The following TSPAN16 variants were observed in gnomAD, a reference collection of about 807,000 sequenced individuals.
TSPAN16 encodes the protein tetraspanin-16.
A neutral mutation model predicts 25.2 loss-of-function variants in TSPAN16; 23 were observed. That is an observed-to-expected ratio of 0.91 (90% CI 0.66 to 1.29). The LOEUF (loss-of-function observed/expected upper bound fraction) is 1.29. TSPAN16 is among the 50% of genes most tolerant of loss of function. TSPAN16 has a pLI of 0.00. For missense variants in TSPAN16, 272 were observed against 299.9 expected (o/e 0.91, Z 0.69); for synonymous variants, 123 against 124.4 (o/e 0.99, Z 0.08).
intron 6 of TSPAN16, among the ~76,000 whole-genome samples, chr19:11,321,522 T>C (rs1384400333): frequency 6.6e-6 from 1 of 152,180 alleles, no homozygotes. Flanking sequence ...CCATATCAAC[T>C]GTGACTACCT....
chr19:11,311,080 G>A (rs112837528), intron 5 of TSPAN16, among the ~76,000 whole-genome samples: 15 of 143,748 alleles, frequency 1.0e-4, no homozygotes, highest in African/African-American at 3.4e-4. Context: ...CAGGGAATCT[G>A]CCAGCCTCGG....
chr19:11,318,954 A>C (rs1369616497), downstream of TSPAN16, among the ~76,000 whole-genome samples: 1 of 152,102 alleles, frequency 6.6e-6, no homozygotes, highest in Non-Finnish European at 1.5e-5. Flanking sequence ...GCCAGAAATA[A>C]ACTTTTTTAC....
chr19:11,317,605 C>T (rs2080755820), downstream of TSPAN16, among the ~76,000 whole-genome samples: 1 of 152,018 alleles, frequency 6.6e-6, no homozygotes, highest in Admixed American at 6.6e-5. Flanking sequence ...AGTGACTCTC[C>T]TGCCTCAGCC....
rs559859071 is a variant in TSPAN16, at chr19:11,297,583, A to G, written c.70-559A>G. ...ATGATCTCAGCTCACTGCAACCTCCACCTCCCAGGTTTAAGCGATTCTTCT... is the reference window on the plus strand; with the variant it reads ...ATGATCTCAGCTCACTGCAACCTCCGCCTCCCAGGTTTAAGCGATTCTTCT... On this transcript the variant is annotated intron_variant, in intron 1 of 6. Coordinates refer to ENST00000590327, the MANE Select transcript of TSPAN16 (RefSeq NM_001282509.2). Among the ~76,000 whole-genome samples the G allele has an allele frequency of 1.3e-4, 20 of 151,840 alleles. 1 individual carries two copies. The highest frequency in any genetic ancestry group is 1.3e-3 in the Admixed American group (20 of 15,208).
intron 4 of TSPAN16, 141 bp from the exon 5 acceptor site, chr19:11,306,463 T>C: frequency 9.8e-7 from 1 of 1,023,738 alleles, no homozygotes. Context: ...TTCTGGGCTG[T>C]GATGGGATGT....
intron 4 of TSPAN16, among the ~76,000 whole-genome samples, chr19:11,301,522 C>T (rs943119633): frequency 6.6e-6 from 1 of 151,768 alleles, no homozygotes; most frequent in Non-Finnish European, 1.5e-5. Flanking sequence ...CATCTGTAGT[C>T]TCAGCTACTC....
chr19:11,324,117 C>A (rs2147964265), intron 6 of TSPAN16: 1 of 152,406 alleles, frequency 6.6e-6, no homozygotes, highest in Middle Eastern at 3.4e-3. Context: ...GCAGTGACAG[C>A]AAGTTACTCA....
Position 11,298,869 on chromosome 19 carries a change from T to C in TSPAN16, c.268-3T>C, listed in dbSNP as rs1015695660. 10 of 1,614,048 alleles carry C rather than the reference T, an allele frequency of 6.2e-6. No homozygotes were observed. Among genetic ancestry groups the C allele is most frequent in the Non-Finnish European group, 8.5e-6 (10 of 1,179,936 alleles). On this transcript the variant is annotated splice_region_variant and splice_polypyrimidine_tract_variant and intron_variant, in intron 2 of 6. Transcript: ENST00000590327. ...AGGCCCTCTCTCCCCGTGTGTCTTTTAGTGCATCCTGTCAATGGTTATTGT... is the reference window on the plus strand; with the variant it reads ...AGGCCCTCTCTCCCCGTGTGTCTTTCAGTGCATCCTGTCAATGGTTATTGT...
chr19:11,307,205 C>A (rs140402219), intron 5 of TSPAN16, among the ~76,000 whole-genome samples: 226 of 150,992 alleles, frequency 1.5e-3, no homozygotes, highest in African/African-American at 5.3e-3. Flanking sequence ...CTGCAACCTC[C>A]GCCTCCTGGG....
At chr19:11,298,004 C>G (rs2080498006) in intron 1 of TSPAN16, 138 bp from the exon 2 acceptor site, 4 of 817,990 alleles carry the variant, frequency 4.9e-6, no homozygotes, top group Non-Finnish European at 7.9e-6. Flanking sequence ...CCAAGCTGGT[C>G]TTGAACTCCT....
chr19:11,313,595 A>G (rs1225405285), intron 6 of TSPAN16, among the ~76,000 whole-genome samples: 1 of 152,110 alleles, frequency 6.6e-6, no homozygotes, highest in Non-Finnish European at 1.5e-5. Flanking sequence ...AAAGGATTCA[A>G]ATAGAGATTT....
At chr19:11,298,547 G>C (rs1015542879) in intron 2 of TSPAN16, among the ~76,000 whole-genome samples, 2 of 151,828 alleles carry the variant, frequency 1.3e-5, no homozygotes, top group Non-Finnish European at 2.9e-5. Context: ...CGATTCTCCT[G>C]CCTCAGCCTC....
intron 6 of TSPAN16, among the ~76,000 whole-genome samples, chr19:11,313,442 G>A (rs996839574): frequency 5.3e-5 from 8 of 151,452 alleles, no homozygotes; most frequent in African/African-American, 1.5e-4. Context: ...CAGGAGAATC[G>A]CTTGAATCTG....
intron 5 of TSPAN16, among the ~76,000 whole-genome samples, chr19:11,307,428 AT>A (rs2080641790): frequency 7.2e-6 from 1 of 139,256 alleles, no homozygotes; most frequent in African/African-American, 2.7e-5. Context: ...CCTTATTTTT[AT>A]TTTTTTAGAG....
downstream of TSPAN16, among the ~76,000 whole-genome samples, chr19:11,319,514 G>A (rs1016490320): frequency 2.0e-5 from 3 of 152,204 alleles, no homozygotes; most frequent in East Asian, 5.8e-4. Flanking sequence ...CAGAAGAATC[G>A]CTTGAACCGG....
At chr19:11,306,816 T>C in intron 5 of TSPAN16, 60 bp downstream of exon 5, 2 of 1,509,294 alleles carry the variant, frequency 1.3e-6, no homozygotes, top group South Asian at 2.4e-5. Context: ...ACTTCATTTT[T>C]ATTTTTATCT....
chr19:11,302,656 CATACATATATATATATATATAT>C, intron 4 of TSPAN16, among the ~76,000 whole-genome samples: 2 of 98,258 alleles, frequency 2.0e-5, no homozygotes, highest in African/African-American at 1.3e-4. Context: ...TATATATACA[CATACATATATATATATATATAT>C]ACACACACAC....
intron 5 of TSPAN16, among the ~76,000 whole-genome samples, chr19:11,309,341 G>A (rs2080665162): frequency 6.6e-6 from 1 of 152,152 alleles, no homozygotes; most frequent in Non-Finnish European, 1.5e-5. Context: ...GGGCCTCAGA[G>A]ACAGACACGG....
At chr19:11,315,358 C>T (rs1215859364) in intron 6 of TSPAN16, among the ~76,000 whole-genome samples, 2 of 149,950 alleles carry the variant, frequency 1.3e-5, no homozygotes, top group Non-Finnish European at 3.0e-5. Flanking sequence ...GAGATCGAGA[C>T]GATCCTGGCT....
Sources: allele counts gnomAD v4.1 joint callset (sites outside exome capture counted in the v4.1 genomes callset), GRCh38; gene constraint gnomAD v4.1.1; transcripts MANE v1.5; gene names NCBI Gene and HGNC (gene_info 2026-07-23, HGNC 2026-07-21).